Variants in MACROD2 observed in about 807,000 individuals in gnomAD.
The protein encoded by MACROD2 is mono-ADP ribosylhydrolase 2.
In MACROD2, 36 loss-of-function variants were observed where a neutral mutation model predicts 70.4. The ratio of observed to expected loss-of-function variants is 0.51; its 90% confidence interval spans 0.39 to 0.68. The LOEUF (loss-of-function observed/expected upper bound fraction) is 0.68. Ranked by LOEUF, MACROD2 falls within the 30% of genes least tolerant of loss-of-function variation. The pLI is 0.00. For missense variants in MACROD2, 496 were observed against 538.4 expected, an observed-to-expected ratio of 0.92 and a Z score of 0.78; for synonymous variants, 172 against 178.8, an observed-to-expected ratio of 0.96 and a Z score of 0.30.
intron 8 of MACROD2, among the ~76,000 whole-genome samples, chr20:15,707,038 A>G (rs1354780282): frequency 6.6e-6 from 1 of 152,206 alleles, no homozygotes; most frequent in Non-Finnish European, 1.5e-5. Flanking sequence ...CTCCAGATAA[A>G]AAGTCATGGT....
chr20:15,138,893 A>C (rs940532142), intron 5 of MACROD2, among the ~76,000 whole-genome samples: 9 of 152,150 alleles, frequency 5.9e-5, no homozygotes, highest in African/African-American at 1.7e-4. Flanking sequence ...GTTTATTCGC[A>C]TTTACTTAAG....
chr20:15,065,939 A>G (rs1299689555), intron 5 of MACROD2, among the ~76,000 whole-genome samples: 7 of 152,030 alleles, frequency 4.6e-5, no homozygotes, highest in Non-Finnish European at 7.4e-5. Context: ...TCATCCACAC[A>G]TCTGTCATCC....
chr20:14,010,523 C>CT (rs1268462396), intron 2 of MACROD2, among the ~76,000 whole-genome samples: 1 of 152,114 alleles, frequency 6.6e-6, no homozygotes, highest in Non-Finnish European at 1.5e-5. Context: ...ATGCTTTAAT[C>CT]TTTTTTCCAG....
intron 15 of MACROD2, among the ~76,000 whole-genome samples, chr20:16,035,197 T>TATATTA (rs1555811413): frequency 7.9e-6 from 1 of 126,698 alleles, no homozygotes; most frequent in Non-Finnish European, 1.6e-5. Flanking sequence ...ATATAAAATA[T>TATATTA]AATATAAAAT....
chr20:15,916,112 G>C (rs1016455336), intron 10 of MACROD2, among the ~76,000 whole-genome samples: 2 of 152,214 alleles, frequency 1.3e-5, no homozygotes, highest in Non-Finnish European at 2.9e-5. Flanking sequence ...GGATATATCT[G>C]TGTAACATAT....
chr20:14,493,416 C>G (rs2084816278), intron 3 of MACROD2, 63 bp from the exon 4 acceptor site: 1 of 1,358,116 alleles, frequency 7.4e-7, no homozygotes, highest in East Asian at 2.4e-5. Flanking sequence ...TTGAATTACT[C>G]TGATATACTA....
At chr20:15,764,704 G>A (rs775648106) in intron 8 of MACROD2, among the ~76,000 whole-genome samples, 5 of 152,078 alleles carry the variant, frequency 3.3e-5, no homozygotes, top group Non-Finnish European at 5.9e-5. Flanking sequence ...GGGTTTTCCT[G>A]ATTTGACTCT....
intron 2 of MACROD2, among the ~76,000 whole-genome samples, chr20:14,054,079 C>T (rs191013660): frequency 9.9e-5 from 15 of 151,596 alleles, no homozygotes; most frequent in African/African-American, 3.4e-4. Context: ...AGTATGTAAT[C>T]GTACTCTTTC....
chr20:14,475,823 C>A (rs750723924), intron 3 of MACROD2, among the ~76,000 whole-genome samples: 2 of 152,046 alleles, frequency 1.3e-5, no homozygotes, highest in Non-Finnish European at 2.9e-5. Context: ...AGGATCTTCT[C>A]TTTGTTTTCA....
At chr20:16,023,333 G>A (rs961148648) in intron 15 of MACROD2, among the ~76,000 whole-genome samples, 2 of 151,892 alleles carry the variant, frequency 1.3e-5, no homozygotes, top group African/African-American at 4.8e-5. Flanking sequence ...AAATTAGCCG[G>A]GCATGGTGGC....
chr20:14,988,914 T>G (rs991223223), intron 5 of MACROD2, among the ~76,000 whole-genome samples: 2 of 152,128 alleles, frequency 1.3e-5, no homozygotes, highest in African/African-American at 4.8e-5. Context: ...TTTAAATTAT[T>G]TATTCTAAAA....
intron 12 of MACROD2, among the ~76,000 whole-genome samples, chr20:15,949,057 C>A (rs898640050): frequency 1.3e-5 from 2 of 152,140 alleles, no homozygotes; most frequent in African/African-American, 4.8e-5. Context: ...ATTCCTTGGG[C>A]CAAGCCATGA....
chr20:14,942,612 G>T (rs1302120866), intron 5 of MACROD2, among the ~76,000 whole-genome samples: 11 of 152,174 alleles, frequency 7.2e-5, no homozygotes, highest in Admixed American at 7.2e-4. Flanking sequence ...CATTGTGTGG[G>T]TCAGCATTGG....
At chr20:15,057,937 C>T (rs1228900948) in intron 5 of MACROD2, among the ~76,000 whole-genome samples, 1 of 152,110 alleles carries the variant, frequency 6.6e-6, no homozygotes, top group Non-Finnish European at 1.5e-5. Flanking sequence ...TTGTCTATGA[C>T]TTTCCTGTTG....
intron 13 of MACROD2, chr20:15,986,000 G>GAA (rs1245226067): frequency 2.0e-5 from 3 of 152,118 alleles, no homozygotes; most frequent in Admixed American, 1.3e-4. Context: ...TGGTCAGAGT[G>GAA]AAACAGAACA....
intron 4 of MACROD2, among the ~76,000 whole-genome samples, chr20:14,661,821 C>A (rs1414599816): frequency 6.6e-6 from 1 of 152,024 alleles, no homozygotes; most frequent in Non-Finnish European, 1.5e-5. Context: ...AACACATTTT[C>A]CTTCTTTTTG....
At chr20:15,110,237 T>C (rs1254886870) in intron 5 of MACROD2, among the ~76,000 whole-genome samples, 1 of 152,146 alleles carries the variant, frequency 6.6e-6, no homozygotes, top group Admixed American at 6.6e-5. Context: ...GATCTGTTGG[T>C]TCCTTTGGAT....
chr20:15,563,117 G>A (rs1260210203), intron 8 of MACROD2, among the ~76,000 whole-genome samples: 2 of 152,204 alleles, frequency 1.3e-5, no homozygotes, highest in Non-Finnish European at 2.9e-5. Flanking sequence ...ATTCGCTGAT[G>A]AGGATGCAGT....
At chr20:15,992,432 T>G (rs576535374) in intron 15 of MACROD2, among the ~76,000 whole-genome samples, 1 of 152,198 alleles carries the variant, frequency 6.6e-6, no homozygotes, top group Non-Finnish European at 1.5e-5. Flanking sequence ...CCATTCCTTT[T>G]TTCGTAAGCT....
Sources: gnomAD v4.1 joint callset for allele counts (sites outside exome capture counted in the v4.1 genomes callset) on GRCh38, gnomAD v4.1.1 for gene constraint, MANE v1.5 for transcripts, NCBI Gene and HGNC (gene_info 2026-07-23, HGNC 2026-07-21) for gene names.